Variants in PRKCH observed in about 807,000 individuals in gnomAD.
PRKCH encodes protein kinase C eta type.
Under a neutral mutation model 82.5 loss-of-function variants are expected in PRKCH, and 28 were observed. That is an observed-to-expected ratio of 0.34 (90% CI 0.25 to 0.47). The LOEUF is 0.47. Among genes scored for constraint, PRKCH ranks in the 20% least tolerant of loss-of-function variants. The probability of loss-of-function intolerance (pLI) is 1.00; values close to 1 mark genes in which losing one functional copy is unlikely to be tolerated. For synonymous variants in PRKCH, 322 were observed against 327.4 expected, an observed-to-expected ratio of 0.98 and a Z score of 0.18; for missense variants, 705 against 881.8, an observed-to-expected ratio of 0.80 and a Z score of 2.54.
At chr14:61,210,115 T>A (rs1461685966) in intron 1 of PRKCH, among the ~76,000 whole-genome samples, 9 of 12,150 alleles carry the variant, frequency 7.4e-4, no homozygotes, top group East Asian at 3.0e-3. Flanking sequence ...CAAACAAATA[T>A]ATATATATAT....
In PRKCH at chr14:61,189,744, CT is replaced by C. The variant is rs141455419; in HGVS notation, c.-19+2086del. Among the ~76,000 whole-genome samples, 687 of 147,904 alleles carry C rather than the reference CT, an allele frequency of 4.6e-3. 24 individuals are homozygous for C. The East Asian group carries it at 0.092, about 20-fold the overall frequency. On this transcript the variant is annotated intron_variant, in intron 1 of 3. Transcript: ENST00000555185. ...GTTGCTTTCTTTTAGGAAGTTTGAC[CT>C]TTTTTTTTTCCTCTCTCATCACTCG...
At chr14:61,528,453 CA>C (rs1238136972) in intron 10 of PRKCH, among the ~76,000 whole-genome samples, 1 of 152,160 alleles carries the variant, frequency 6.6e-6, no homozygotes, top group African/African-American at 2.4e-5. Context: ...CTCAGCCTCC[CA>C]AAGTGTTGGG....
chr14:61,419,195 A>T (rs949706961), intron 2 of PRKCH, among the ~76,000 whole-genome samples: 1 of 152,234 alleles, frequency 6.6e-6, no homozygotes, highest in African/African-American at 2.4e-5. Flanking sequence ...GTGAAAATCT[A>T]TGCTATTTTA....
At chr14:61,507,036 A>G (rs1887180698) in intron 10 of PRKCH, among the ~76,000 whole-genome samples, 1 of 152,208 alleles carries the variant, frequency 6.6e-6, no homozygotes, top group Admixed American at 6.5e-5. Flanking sequence ...ATAGTTGCAG[A>G]TCTGATAAGG....
At chr14:61,454,762 T>G (rs1884680464) in intron 7 of PRKCH, among the ~76,000 whole-genome samples, 1 of 152,322 alleles carries the variant, frequency 6.6e-6, no homozygotes, top group South Asian at 2.1e-4. Flanking sequence ...GTCATCCAGT[T>G]GAGCCTTGGC....
chr14:61,411,010 C>G (rs369998328), intron 2 of PRKCH, among the ~76,000 whole-genome samples: 5 of 152,328 alleles, frequency 3.3e-5, no homozygotes, highest in African/African-American at 9.6e-5. Flanking sequence ...TTTCCTTAGG[C>G]CTTCAGTCAT....
At chr14:61,496,241 A>C (rs990013335) in intron 10 of PRKCH, among the ~76,000 whole-genome samples, 9 of 152,218 alleles carry the variant, frequency 5.9e-5, no homozygotes, top group Non-Finnish European at 2.9e-5. Flanking sequence ...TATCTTCTGT[A>C]TGACAGTTGC....
chr14:61,361,913 G>C (rs1009583972), intron 1 of PRKCH, among the ~76,000 whole-genome samples: 5 of 152,170 alleles, frequency 3.3e-5, no homozygotes, highest in African/African-American at 1.2e-4. Flanking sequence ...TAAGGAGGAA[G>C]GGCTCTTGGT....
chr14:61,371,020 C>G (rs1439679401), intron 1 of PRKCH, among the ~76,000 whole-genome samples: 1 of 152,108 alleles, frequency 6.6e-6, no homozygotes, highest in Non-Finnish European at 1.5e-5. Flanking sequence ...ACTGCTGCCT[C>G]TGGCTCTCTT....
chr14:61,467,614 G>A (rs184150963), intron 9 of PRKCH, among the ~76,000 whole-genome samples: 84 of 152,360 alleles, frequency 5.5e-4, no homozygotes, highest in Non-Finnish European at 8.7e-4. Flanking sequence ...AAGTATAGCC[G>A]AAAGGCTGGG....
chr14:61,283,037 A>AT (rs112461509), intron 1 of PRKCH, among the ~76,000 whole-genome samples: 10,189 of 146,296 alleles, frequency 0.07, 578 homozygotes, highest in East Asian at 0.16. Flanking sequence ...ACTTTTGTAG[A>AT]TTTTTTTTTT....
chr14:61,305,347 C>CT (rs551126391), intron 1 of PRKCH: 7,142 of 141,400 alleles, frequency 0.051, 234 homozygotes, highest in Middle Eastern at 0.083. Flanking sequence ...CCATGCCCAG[C>CT]TTTTTTTTTT....
intron 1 of PRKCH, among the ~76,000 whole-genome samples, chr14:61,276,156 C>T (rs1216898541): frequency 2.6e-5 from 4 of 152,022 alleles, no homozygotes; most frequent in African/African-American, 9.7e-5. Flanking sequence ...TTCATGAAGA[C>T]CTTCTTAACG....
intron 2 of PRKCH, among the ~76,000 whole-genome samples, chr14:61,422,789 C>A (rs1213639420): frequency 6.6e-6 from 1 of 152,114 alleles, no homozygotes; most frequent in Non-Finnish European, 1.5e-5. Context: ...GTCTAGGCAT[C>A]CCCATTTTTT....
At chr14:61,330,580 A>G (rs929425826) in intron 1 of PRKCH, among the ~76,000 whole-genome samples, 3 of 152,196 alleles carry the variant, frequency 2.0e-5, no homozygotes, top group Non-Finnish European at 2.9e-5. Context: ...CTAATTCAGA[A>G]CAACAACAAA....
At chr14:61,505,775 G>T (rs1887122545) in intron 10 of PRKCH, among the ~76,000 whole-genome samples, 1 of 152,058 alleles carries the variant, frequency 6.6e-6, no homozygotes, top group African/African-American at 2.4e-5. Context: ...TCACATTGAA[G>T]GTTAAGTTTC....
intron 2 of PRKCH, among the ~76,000 whole-genome samples, chr14:61,410,253 A>G (rs1396154809): frequency 6.6e-6 from 1 of 152,130 alleles, no homozygotes; most frequent in Non-Finnish European, 1.5e-5. Flanking sequence ...TGTTAAATCC[A>G]CTTTAAATCT....
intron 12 of PRKCH, among the ~76,000 whole-genome samples, chr14:61,542,804 A>G (rs1428080193): frequency 6.6e-6 from 1 of 152,154 alleles, no homozygotes; most frequent in Non-Finnish European, 1.5e-5. Context: ...TCTGCAAAAG[A>G]ATTATGCTGC....
intron 1 of PRKCH, among the ~76,000 whole-genome samples, chr14:61,264,255 A>C (rs901574677): frequency 1.3e-5 from 2 of 152,138 alleles, no homozygotes; most frequent in African/African-American, 4.8e-5. Flanking sequence ...TTTATGTTAA[A>C]CTTTATAATT....
Sources: gnomAD v4.1 joint callset for allele counts (sites outside exome capture counted in the v4.1 genomes callset) on GRCh38, gnomAD v4.1.1 for gene constraint, MANE v1.5 for transcripts, NCBI Gene and HGNC (gene_info 2026-07-23, HGNC 2026-07-21) for gene names.